Variants in CRISPLD2 observed in about 807,000 individuals in gnomAD.
The protein encoded by CRISPLD2 is cysteine-rich secretory protein LCCL domain-containing 2.
Under a neutral mutation model 71.1 loss-of-function variants are expected in CRISPLD2, and 47 were observed. The observed-to-expected ratio is 0.66, with a 90% CI of 0.52 to 0.84. CRISPLD2 has a LOEUF of 0.84. Among genes scored for constraint, CRISPLD2 ranks in the 40% least tolerant of loss-of-function variants. The pLI is 0.00. For missense variants in CRISPLD2, 830 were observed against 651.1 expected (o/e 1.27, Z -2.99); for synonymous variants, 317 against 250.1 (o/e 1.27, Z -2.52).
chr16:84,838,121 A>T lies in CRISPLD2; in HGVS notation c.-74-301A>T, dbSNP rs146897219. Among the ~76,000 whole-genome samples the T allele has an allele frequency of 3.3e-3, 501 of 152,200 alleles. 3 individuals carry two copies. Among genetic ancestry groups the T allele is most frequent in the Admixed American group, 5.1e-3 (78 of 15,284 alleles). The stretch of plus-strand genomic sequence containing the variant: ...TTCACCTGAGTCCTGAATGAATAAG[A>T]GATGCTGACTCATAATTAGAAAATG... On this transcript the variant is annotated intron_variant, in intron 1 of 14. Coordinates refer to ENST00000262424, the MANE Select transcript of CRISPLD2 (RefSeq NM_031476.4).
chr16:84,860,899 G>T (rs1420086713), intron 6 of CRISPLD2, among the ~76,000 whole-genome samples: 1 of 152,146 alleles, frequency 6.6e-6, no homozygotes, highest in Non-Finnish European at 1.5e-5. Flanking sequence ...CAGATTTGAG[G>T]CTCAGTATCT....
chr16:84,877,966 T>A (rs1368203281), intron 12 of CRISPLD2, among the ~76,000 whole-genome samples: 4 of 151,698 alleles, frequency 2.6e-5, no homozygotes, highest in African/African-American at 9.7e-5. Context: ...ATCCCAGCAC[T>A]TTGGGAGGCC....
Position 84,838,623 on chromosome 16 carries a change from C to A in CRISPLD2, c.128C>A (p.Ser43Tyr). 1 of 1,614,240 alleles carries A rather than the reference C, an allele frequency of 6.2e-7. No homozygotes were observed. The highest frequency in any genetic ancestry group is 8.5e-7 in the Non-Finnish European group (1 of 1,180,036). Reference protein sequence around the residue: ...ELLSKYQHNESHSRVRRAIPR... With the variant: ...ELLSKYQHNEYHSRVRRAIPR... Reference sequence around the variant, plus strand: ...CTCAGCAAATACCAGCACAACGAGTCTCACTCCCGGGTCCGCAGAGCCATC... The same window carrying A: ...CTCAGCAAATACCAGCACAACGAGTATCACTCCCGGGTCCGCAGAGCCATC... Residue 43 changes from serine to tyrosine, a missense_variant, in exon 2 of 15, where the codon TCT becomes TAT. By Grantham distance (144) the Ser-to-Tyr change is moderately radical. Transcript: ENST00000262424.
chr16:84,902,237 A>C (rs941746319), intron 14 of CRISPLD2, among the ~76,000 whole-genome samples: 2 of 152,154 alleles, frequency 1.3e-5, no homozygotes, highest in Non-Finnish European at 2.9e-5. Flanking sequence ...TATCCCAAGT[A>C]CAGAATAGAA....
At position 84,843,004 on chromosome 16, in the gene CRISPLD2, C is replaced by T. The variant is rs1189727178; in HGVS notation, c.241-2782C>T. Reference sequence around the variant, plus strand: ...ACTGTGTGGTCCTCCCGGTTTCATGCAAGACTTAGTGCCAGTGAAAGGAGC... The same window carrying T: ...ACTGTGTGGTCCTCCCGGTTTCATGTAAGACTTAGTGCCAGTGAAAGGAGC... On this transcript the variant is annotated intron_variant, in intron 2 of 14. Transcript: ENST00000262424. Among the ~76,000 whole-genome samples, 3 of 152,198 alleles carry T rather than the reference C, an allele frequency of 2.0e-5. No homozygotes were observed. In the East Asian group the frequency reaches 5.8e-4, roughly 29 times the overall value.
rs2071806927 is a variant in CRISPLD2, at chr16:84,906,803, T to A, written c.*161T>A. The A allele has an allele frequency of 2.5e-6, 2 of 815,684 alleles. No homozygotes were observed. Among genetic ancestry groups the A allele is most frequent in the Non-Finnish European group, 4.1e-6 (2 of 483,988 alleles). 50.5% of individuals were successfully genotyped at this position (815,684 alleles called of 1,614,324 possible). On this transcript the variant is annotated 3_prime_UTR_variant, in exon 15 of 15. Transcript: ENST00000262424. ...GGCCTGTGGGTGAGGTGACATCTCA[T>A]CCCCTCACTGAAGCAACAGCATCCC...
Position 84,873,824 on chromosome 16 carries a change from C to G in CRISPLD2, c.1113-96C>G, listed in dbSNP as rs182804946. The G allele has an allele frequency of 2.7e-4, 313 of 1,155,504 alleles. 2 individuals are homozygous for G. The African/African-American group carries it at 4.3e-3, about 16-fold the overall frequency. 71.6% of individuals were successfully genotyped at this position (1,155,504 alleles called of 1,614,324 possible). On this transcript the variant is annotated intron_variant, in intron 10 of 14. Transcript: ENST00000262424. The stretch of plus-strand genomic sequence containing the variant: ...GTAGAAAAGTGTGAAGTCGAGACTG[C>G]AAATAAGATAAGTATAGGAGCAAGC...
chr16:84,903,137 G>A (rs796584205), intron 14 of CRISPLD2, among the ~76,000 whole-genome samples: 3 of 152,158 alleles, frequency 2.0e-5, no homozygotes, highest in African/African-American at 7.2e-5. Context: ...ATCTGATTTG[G>A]TTTGGTCTGT....
chr16:84,869,860 C>G (rs1842247133), intron 8 of CRISPLD2, among the ~76,000 whole-genome samples: 2 of 152,250 alleles, frequency 1.3e-5, no homozygotes, highest in South Asian at 4.1e-4. Context: ...CTGAGTAGTA[C>G]TCAGTGGAAA....
chr16:84,873,167 T>G, intron 10 of CRISPLD2, 45 bp downstream of exon 10: 1 of 1,580,288 alleles, frequency 6.3e-7, no homozygotes, highest in Non-Finnish European at 8.6e-7. Context: ...TTTTCCTGTT[T>G]ATGACGGTGT....
chr16:84,860,001 G>C (rs1357591290), intron 6 of CRISPLD2, among the ~76,000 whole-genome samples: 4 of 152,206 alleles, frequency 2.6e-5, no homozygotes, highest in Non-Finnish European at 4.4e-5. Context: ...CATTAGTCAA[G>C]GGTATATCTT....
At chr16:84,841,323 C>G (rs1392727526) in intron 2 of CRISPLD2, among the ~76,000 whole-genome samples, 2 of 152,076 alleles carry the variant, frequency 1.3e-5, no homozygotes, top group African/African-American at 4.8e-5. Context: ...CCACCACCGC[C>G]TCGTGAGTCT....
At position 84,873,978 on chromosome 16, in the gene CRISPLD2, C is replaced by G; in HGVS notation, c.1156+15C>G. 1.3e-6 allele frequency: 2 copies of G among 1,596,560 alleles called. No homozygotes were observed. The highest frequency in any genetic ancestry group is 1.7e-6 in the Non-Finnish European group (2 of 1,173,758). On this transcript the variant is annotated intron_variant, in intron 11 of 14. Coordinates refer to ENST00000262424, the MANE Select transcript of CRISPLD2 (RefSeq NM_031476.4). ...AAAAGTGAAAGGTAAGCTAGCCAGT[C>G]TCTTTTGCGACCATAATACCTGGGT...
At position 84,867,027 on chromosome 16, in the gene CRISPLD2, G is replaced by T. The variant is rs917236306; in HGVS notation, c.840G>T (p.Ala280=). The change falls in exon 7 of 15, where the codon GCG becomes GCT. Residue 280 remains alanine, a synonymous_variant. Coordinates refer to ENST00000262424, the MANE Select transcript of CRISPLD2 (RefSeq NM_031476.4). ...CCACCAAGCCCAAGAAAACCTCTGCGGTCAACTACATGAGTGAGTCTAGGC... is the reference window on the plus strand; with the variant it reads ...CCACCAAGCCCAAGAAAACCTCTGCTGTCAACTACATGAGTGAGTCTAGGC... ...MRPTKPKKTS[A]VNYMTQVVRC... The T allele has an allele frequency of 6.2e-7, 1 of 1,613,900 alleles. No individual in the cohort carries two copies. Among genetic ancestry groups the T allele is most frequent in the Admixed American group, 1.7e-5 (1 of 59,996 alleles).
At chr16:84,871,449 G>A (rs2071468373) in intron 8 of CRISPLD2, among the ~76,000 whole-genome samples, 2 of 152,134 alleles carry the variant, frequency 1.3e-5, no homozygotes, top group Admixed American at 6.5e-5. Flanking sequence ...TGAGGTGGGA[G>A]GATCACCTGA....
Position 84,880,594 on chromosome 16 carries a change from A to T in CRISPLD2, c.1305+10A>T, listed in dbSNP as rs756696380. The T allele has an allele frequency of 1.9e-6, 3 of 1,611,144 alleles. No individual in the cohort carries two copies. The highest frequency in any genetic ancestry group is 2.2e-5 in the East Asian group (1 of 44,870). On this transcript the variant is annotated intron_variant, in intron 13 of 14. Coordinates refer to ENST00000262424, the MANE Select transcript of CRISPLD2 (RefSeq NM_031476.4). ...CAACATCTATGCAGATGTGAGTAGG[A>T]TGCATTTTCAACAACTATCTCGCAA... is the stretch of plus-strand genomic sequence containing the variant.
intron 6 of CRISPLD2, among the ~76,000 whole-genome samples, chr16:84,858,812 CAA>C (rs2143244208): frequency 6.6e-6 from 1 of 152,234 alleles, no homozygotes; most frequent in Non-Finnish European, 1.5e-5. Flanking sequence ...AGGCATTTTC[CAA>C]GTCAGTGGCT....
intron 3 of CRISPLD2, 56 bp downstream of exon 3, chr16:84,845,960 G>A (rs1289551943): frequency 2.6e-6 from 3 of 1,148,900 alleles, no homozygotes; most frequent in African/African-American, 1.5e-5. Flanking sequence ...CGTGTGCCGG[G>A]CTCAGCACTT....
At chr16:84,834,007 G>A (rs1916554478) in intron 1 of CRISPLD2, among the ~76,000 whole-genome samples, 1 of 152,212 alleles carries the variant, frequency 6.6e-6, no homozygotes, top group African/African-American at 2.4e-5. Flanking sequence ...CCCACTCCGT[G>A]GGAGGCAGCA....
Sources: allele counts gnomAD v4.1 joint callset (sites outside exome capture counted in the v4.1 genomes callset), GRCh38; gene constraint gnomAD v4.1.1; transcripts MANE v1.5; gene names NCBI Gene and HGNC (gene_info 2026-07-23, HGNC 2026-07-21).